TCF12: variants seen among roughly 807,000 people sequenced by gnomAD.
TCF12 encodes transcription factor 12.
In TCF12, 45 loss-of-function variants were observed where a neutral mutation model predicts 86.0. That is an observed-to-expected ratio of 0.52 (90% CI 0.41 to 0.67). The LOEUF is 0.67. TCF12 is among the 30% of genes least tolerant of loss of function. The pLI, the probability that TCF12 is intolerant of heterozygous loss-of-function variation, is 0.00. For synonymous variants in TCF12, 330 were observed against 299.6 expected, an observed-to-expected ratio of 1.10 and a Z score of -1.05; for missense variants, 881 against 859.9, an observed-to-expected ratio of 1.02 and a Z score of -0.31.
At chr15:57,140,526 C>T (rs1332263357) in intron 5 of TCF12, among the ~76,000 whole-genome samples, 5 of 152,120 alleles carry the variant, frequency 3.3e-5, no homozygotes, top group Admixed American at 3.3e-4. Context: ...ACAAAGGAAA[C>T]AAGTTTGATA....
intron 8 of TCF12, among the ~76,000 whole-genome samples, chr15:57,218,711 A>T (rs1273005433): frequency 1.3e-5 from 2 of 152,222 alleles, no homozygotes; most frequent in Non-Finnish European, 2.9e-5. Flanking sequence ...GGTGTTGTGT[A>T]TGAAGAATTC....
chr15:57,003,579 CT>C (rs1157761357), intron 3 of TCF12, among the ~76,000 whole-genome samples: 2 of 152,158 alleles, frequency 1.3e-5, no homozygotes, highest in African/African-American at 4.8e-5. Flanking sequence ...AAATAGGCTA[CT>C]GAAAGGACTC....
At chr15:57,019,710 A>G (rs973175643) in intron 3 of TCF12, among the ~76,000 whole-genome samples, 4 of 152,052 alleles carry the variant, frequency 2.6e-5, no homozygotes, top group Admixed American at 1.3e-4. Flanking sequence ...ACATCTCAAA[A>G]GACCAGCCTT....
intron 3 of TCF12, among the ~76,000 whole-genome samples, chr15:57,046,337 T>G (rs1439181828): frequency 6.6e-6 from 1 of 152,264 alleles, no homozygotes; most frequent in Admixed American, 6.5e-5. Flanking sequence ...GTTCACTATA[T>G]TCTACTTTCT....
chr15:57,101,250 G>T (rs978438239), intron 5 of TCF12, among the ~76,000 whole-genome samples: 6 of 151,996 alleles, frequency 3.9e-5, no homozygotes, highest in African/African-American at 1.4e-4. Flanking sequence ...CTGTTGCCCA[G>T]ACTGGAGTGC....
At chr15:57,212,457 T>G (rs1040598415) in intron 8 of TCF12, among the ~76,000 whole-genome samples, 5 of 152,210 alleles carry the variant, frequency 3.3e-5, no homozygotes, top group East Asian at 1.9e-4. Context: ...TTTTTAACTT[T>G]TTGTAGAGAC....
rs1266628093 is a variant in TCF12 at position 56,921,013 on chromosome 15, G to T, written c.76-13G>T. ...ATTTCAGGACTAACAGATATATTTG[G>T]GTTATTTTGCAGATGTTTTCCCCAC... On this transcript the variant is annotated splice_polypyrimidine_tract_variant and intron_variant, in intron 2 of 20. Transcript: ENST00000333725. 3.2e-6 allele frequency: 5 copies of T among 1,585,736 alleles called. No homozygotes were observed. The African/African-American group carries it at 4.1e-5, about 13-fold the overall frequency.
At position 57,224,615 on chromosome 15, in the gene TCF12, G is replaced by C. The variant is rs116506339; in HGVS notation, c.580-6537G>C. Among the ~76,000 whole-genome samples the C allele has an allele frequency of 4.7e-3, 721 of 152,174 alleles. 8 individuals are homozygous for C. The highest frequency in any genetic ancestry group is 0.017 in the African/African-American group (692 of 41,518). On this transcript the variant is annotated intron_variant, in intron 8 of 20. Coordinates refer to ENST00000333725, the MANE Select transcript of TCF12 (RefSeq NM_207037.2). ...AAAACTAGAATTCATTTTTCTTACT[G>C]TTGTTAGAAAAGAAATTTCATTTTA...
chr15:56,959,318 A>C (rs1362821686), intron 3 of TCF12, among the ~76,000 whole-genome samples: 1 of 152,242 alleles, frequency 6.6e-6, no homozygotes, highest in Non-Finnish European at 1.5e-5. Flanking sequence ...TGGAGAGGCT[A>C]CAGCTTTCTA....
At chr15:56,943,756 TAA>T in intron 3 of TCF12, among the ~76,000 whole-genome samples, 1 of 152,320 alleles carries the variant, frequency 6.6e-6, no homozygotes, top group African/African-American at 2.4e-5. Context: ...AAAAATTTGG[TAA>T]AGTCATTATT....
chr15:57,158,097 G>A (rs1013051371), intron 5 of TCF12, among the ~76,000 whole-genome samples: 11 of 152,010 alleles, frequency 7.2e-5, no homozygotes, highest in South Asian at 4.1e-4. Context: ...GGGGAGAGAA[G>A]TGGAGAGCAT....
At chr15:57,075,794 C>T (rs1360309814) in intron 4 of TCF12, among the ~76,000 whole-genome samples, 1 of 67,186 alleles carries the variant, frequency 1.5e-5, no homozygotes, top group African/African-American at 7.1e-5. Context: ...TTCTTTCTTT[C>T]TTTCTTTCTT....
intron 5 of TCF12, among the ~76,000 whole-genome samples, chr15:57,144,096 C>T (rs1332467540): frequency 1.3e-5 from 2 of 152,124 alleles, no homozygotes; most frequent in African/African-American, 4.8e-5. Flanking sequence ...TGGGAAACTT[C>T]TATTAGTTTT....
chr15:57,081,348 A>G (rs1186648154), intron 4 of TCF12, among the ~76,000 whole-genome samples: 1 of 152,162 alleles, frequency 6.6e-6, no homozygotes, highest in African/African-American at 2.4e-5. Context: ...TCAAATCCCC[A>G]TCCTACTATT....
chr15:57,154,602 A>G (rs1306261487), intron 5 of TCF12, among the ~76,000 whole-genome samples: 2 of 152,068 alleles, frequency 1.3e-5, no homozygotes, highest in Non-Finnish European at 2.9e-5. Flanking sequence ...TGGATCTTGC[A>G]TACTTTCTTT....
chr15:57,261,207 T>G (rs1327679127), intron 16 of TCF12, among the ~76,000 whole-genome samples: 1 of 152,184 alleles, frequency 6.6e-6, no homozygotes, highest in African/African-American at 2.4e-5. Context: ...TAAAATCCAC[T>G]AAATGGCTAT....
intron 3 of TCF12, among the ~76,000 whole-genome samples, chr15:56,976,473 G>A (rs1009928605): frequency 6.6e-6 from 1 of 151,318 alleles, no homozygotes; most frequent in Non-Finnish European, 1.5e-5. Flanking sequence ...TCCTGACCTC[G>A]TCATCCGCCC....
At chr15:57,112,984 T>A (rs2050595766) in intron 5 of TCF12, among the ~76,000 whole-genome samples, 1 of 152,238 alleles carries the variant, frequency 6.6e-6, no homozygotes, top group Admixed American at 6.5e-5. Context: ...AGAATTCTGC[T>A]TTTTCATGGT....
At chr15:57,241,598 T>C (rs879021158) in intron 12 of TCF12, among the ~76,000 whole-genome samples, 5 of 152,260 alleles carry the variant, frequency 3.3e-5, no homozygotes, top group Non-Finnish European at 7.3e-5. Flanking sequence ...ACTAATGTCA[T>C]ACAAATTGGC....
Sources: allele counts gnomAD v4.1 joint callset (sites outside exome capture counted in the v4.1 genomes callset), GRCh38; gene constraint gnomAD v4.1.1; transcripts MANE v1.5; gene names NCBI Gene and HGNC (gene_info 2026-07-23, HGNC 2026-07-21).